The following SLC2A9 variants were observed in gnomAD, a reference collection of about 807,000 sequenced individuals.
SLC2A9 encodes the protein solute carrier family 2 member 9.
In SLC2A9, 39 loss-of-function variants were observed where a neutral mutation model predicts 50.6. That is an observed-to-expected ratio of 0.77 (90% CI 0.60 to 1.01). The LOEUF (loss-of-function observed/expected upper bound fraction) is 1.01. SLC2A9 is among the 50% of genes least tolerant of loss of function. The probability of loss-of-function intolerance (pLI) is 0.00; values close to 1 mark genes in which losing one functional copy is unlikely to be tolerated. For missense variants in SLC2A9, 686 were observed against 677.6 expected (o/e 1.01, Z -0.14); for synonymous variants, 324 against 276.9 (o/e 1.17, Z -1.69).
At chr4:9,776,498 T>A (rs774872824), downstream of SLC2A9, among the ~76,000 whole-genome samples, 88 of 151,922 alleles carry the variant, frequency 5.8e-4, no homozygotes, top group Non-Finnish European at 1.0e-3. Flanking sequence ...GACCTCCCTA[T>A]AACCAGCAAT....
chr4:9,791,254 A>G (rs1220934839), intron 3 of SLC2A9, among the ~76,000 whole-genome samples: 1 of 152,262 alleles, frequency 6.6e-6, no homozygotes, highest in Non-Finnish European at 1.5e-5. Context: ...TTAGTGGAAT[A>G]CAAAATTAAA....
chr4:9,855,629 TA>T (rs1214820785), intron 10 of SLC2A9, among the ~76,000 whole-genome samples: 1 of 152,014 alleles, frequency 6.6e-6, no homozygotes, highest in African/African-American at 2.4e-5. Context: ...AAAATTAATA[TA>T]AAACCCAAAA....
chr4:9,879,617 G>C, intron 10 of SLC2A9: 1 of 985,290 alleles, frequency 1.0e-6, no homozygotes, highest in South Asian at 4.7e-5. Flanking sequence ...CCATCTTCTG[G>C]GGTGCTCAGA....
At chr4:9,823,210 A>T (rs1252249745), downstream of SLC2A9, among the ~76,000 whole-genome samples, 1 of 152,170 alleles carries the variant, frequency 6.6e-6, no homozygotes, top group African/African-American at 2.4e-5. Flanking sequence ...AATATGTAAA[A>T]TAGTAAGACA....
At chr4:9,931,132 AGAG>A (rs1001701063) in intron 6 of SLC2A9, among the ~76,000 whole-genome samples, 3 of 152,330 alleles carry the variant, frequency 2.0e-5, no homozygotes, top group Admixed American at 1.3e-4. Flanking sequence ...TAACTCTCTC[AGAG>A]GAGTTCATTC....
Position 9,872,507 on chromosome 4 carries a change from T to C in SLC2A9, c.1291+15060A>G, listed in dbSNP as rs962697072. Among the ~76,000 whole-genome samples, 3 of 152,270 alleles carry C rather than the reference T, an allele frequency of 2.0e-5. No homozygotes were observed. The East Asian group carries it at 5.8e-4, about 29-fold the overall frequency. The stretch of plus-strand genomic sequence containing the variant: ...TCCAGACTCCTGTTTTCCAAACGCT[T>C]GAATGAATAAATTCGATAAATGTGT... On this transcript the variant is annotated intron_variant, in intron 10 of 11. Transcript: ENST00000264784.
intron 5 of SLC2A9, among the ~76,000 whole-genome samples, chr4:9,957,979 C>T (rs4515163): frequency 0.48 from 73,463 of 151,910 alleles, 19,102 homozygotes; most frequent in African/African-American, 0.67. Flanking sequence ...TGGAAGTAAT[C>T]ATACAATTTC....
At chr4:10,038,801 T>A (rs146274526) in intron 1 of SLC2A9, among the ~76,000 whole-genome samples, 9 of 152,340 alleles carry the variant, frequency 5.9e-5, no homozygotes, top group Non-Finnish European at 1.3e-4. Flanking sequence ...TTCTTAGGCA[T>A]GGAGGGCTTT....
At chr4:9,899,625 G>T (rs1025417536) in intron 8 of SLC2A9, among the ~76,000 whole-genome samples, 2 of 152,134 alleles carry the variant, frequency 1.3e-5, no homozygotes, top group African/African-American at 4.8e-5. Context: ...AAACTTTTTT[G>T]GGAATTTCTG....
intron 2 of SLC2A9, among the ~76,000 whole-genome samples, chr4:10,014,055 CA>C (rs1311082582): frequency 2.0e-5 from 3 of 152,194 alleles, no homozygotes; most frequent in Non-Finnish European, 4.4e-5. Flanking sequence ...GAGAGCCCAG[CA>C]CCCCAGGTGA....
intron 6 of SLC2A9, among the ~76,000 whole-genome samples, chr4:9,931,962 CTATATA>C (rs61538689): frequency 0.017 from 240 of 14,534 alleles, 13 homozygotes; most frequent in African/African-American, 0.025. Context: ...CTCTCTCTCT[CTATATA>C]TATATATATA....
intron 11 of SLC2A9, among the ~76,000 whole-genome samples, chr4:9,827,791 G>A (rs1462250501): frequency 6.6e-6 from 1 of 152,208 alleles, no homozygotes; most frequent in Non-Finnish European, 1.5e-5. Context: ...AAGACTTCAA[G>A]AGTAGTGTGG....
intron 1 of SLC2A9, among the ~76,000 whole-genome samples, chr4:10,032,475 G>A (rs985941225): frequency 2.0e-5 from 3 of 152,254 alleles, no homozygotes; most frequent in South Asian, 2.1e-4. Context: ...ATTTGGGCAA[G>A]GGGGTTGGAG....
chr4:9,990,474 C>T (rs755565222), intron 3 of SLC2A9, among the ~76,000 whole-genome samples: 27 of 152,048 alleles, frequency 1.8e-4, no homozygotes, highest in Non-Finnish European at 2.9e-4. Flanking sequence ...ACCCAAAATG[C>T]CAAGTGACGT....
In SLC2A9 at chr4:10,021,458, G is replaced by A. The variant is rs772307731; in HGVS notation, c.-29C>T. ...TCTCAGTGACCCAGCTGATGGCTCA[G>A]TCCAGGGACCCCAGACTCTGCCAAG... On this transcript the variant is annotated 5_prime_UTR_variant, in exon 1 of 12. Transcript: ENST00000264784. 1.9e-6 allele frequency: 3 copies of A among 1,613,878 alleles called. No individual in the cohort carries two copies. Among genetic ancestry groups the A allele is most frequent in the Non-Finnish European group, 2.5e-6 (3 of 1,179,920 alleles).
intron 10 of SLC2A9, among the ~76,000 whole-genome samples, chr4:9,836,425 G>T (rs938616753): frequency 1.2e-4 from 19 of 152,210 alleles, no homozygotes; most frequent in African/African-American, 4.1e-4. Flanking sequence ...AGGATGCTCT[G>T]GGGAGGAGAT....
intron 3 of SLC2A9, among the ~76,000 whole-genome samples, chr4:9,808,118 G>A (rs1722367492): frequency 6.6e-6 from 1 of 152,218 alleles, no homozygotes; most frequent in African/African-American, 2.4e-5. Flanking sequence ...GGAGCAGGCA[G>A]GGCTGTCACG....
chr4:9,796,730 G>A (rs377537223), downstream of SLC2A9, among the ~76,000 whole-genome samples: 181 of 152,322 alleles, frequency 1.2e-3, 1 homozygote, highest in African/African-American at 4.1e-3. Context: ...CCTGGATCTG[G>A]GTGGTGAATT....
At chr4:9,931,940 C>CTCTCTCTCTCAATCTCTCTCTCTCTCAA (rs1560328656) in intron 6 of SLC2A9, among the ~76,000 whole-genome samples, 2 of 58,206 alleles carry the variant, frequency 3.4e-5, no homozygotes, top group Non-Finnish European at 2.9e-5. Context: ...CTCTCTCTCT[C>CTCTCTCTCTCAATCTCTCTCTCTCTCAA]TCTCTCTCTC....
Sources: gnomAD v4.1 joint callset for allele counts (sites outside exome capture counted in the v4.1 genomes callset) on GRCh38, gnomAD v4.1.1 for gene constraint, MANE v1.5 for transcripts, NCBI Gene and HGNC (gene_info 2026-07-23, HGNC 2026-07-21) for gene names.